Variants in MTMR3 observed in about 807,000 individuals in gnomAD.
MTMR3 encodes the protein myotubularin related protein 3.
Under a neutral mutation model 132.4 loss-of-function variants are expected in MTMR3, and 32 were observed. The observed-to-expected ratio is 0.24, with a 90% CI of 0.18 to 0.32. The LOEUF (loss-of-function observed/expected upper bound fraction) is 0.32. Ranked by LOEUF, MTMR3 falls within the 10% of genes least tolerant of loss-of-function variation. The probability of loss-of-function intolerance (pLI) is 1.00; values close to 1 mark genes in which losing one functional copy is unlikely to be tolerated. For synonymous variants in MTMR3, 556 were observed against 550.3 expected, an observed-to-expected ratio of 1.01 and a Z score of -0.14; for missense variants, 1,216 against 1,489.6, an observed-to-expected ratio of 0.82 and a Z score of 3.02.
At chr22:29,926,842 A>T (rs1602489192) in intron 1 of MTMR3, among the ~76,000 whole-genome samples, 1 of 152,168 alleles carries the variant, frequency 6.6e-6, no homozygotes. Flanking sequence ...ATTTTGATGA[A>T]ATCCCATTTA....
intron 2 of MTMR3, 139 bp from the exon 3 acceptor site, chr22:29,970,837 T>C: frequency 2.4e-6 from 1 of 411,746 alleles, no homozygotes; most frequent in Non-Finnish European, 4.3e-6. Context: ...TTTTCTTGGC[T>C]GACTCTGATC....
intron 1 of MTMR3, among the ~76,000 whole-genome samples, chr22:29,943,225 C>G (rs1028922428): frequency 6.6e-6 from 1 of 151,824 alleles, no homozygotes; most frequent in African/African-American, 2.4e-5. Context: ...CAGAGTCTCA[C>G]TCTGTCACCC....
At chr22:29,894,930 A>G (rs2064864753) in intron 1 of MTMR3, among the ~76,000 whole-genome samples, 1 of 152,212 alleles carries the variant, frequency 6.6e-6, no homozygotes, top group Admixed American at 6.6e-5. Flanking sequence ...GAGTAAGATT[A>G]GGCTGGATGC....
rs1401881518 is a variant in MTMR3, at chr22:30,026,331, C to T, written c.*530C>T. On this transcript the variant is annotated 3_prime_UTR_variant, in exon 20 of 20. Transcript: ENST00000401950. ...AGAGCACTGCCCTGGGCATCATCTCCCTCCTGCGAGGAGCTGAGCCAGTCC... is the reference window on the plus strand; with the variant it reads ...AGAGCACTGCCCTGGGCATCATCTCTCTCCTGCGAGGAGCTGAGCCAGTCC... The T allele has an allele frequency of 6.4e-6, 1 of 155,364 alleles. No homozygotes were observed. Among genetic ancestry groups the T allele is most frequent in the African/African-American group, 2.4e-5 (1 of 41,506 alleles). 9.6% of individuals were successfully genotyped at this position (155,364 alleles called of 1,614,324 possible). A position where few individuals can be genotyped will look rare whatever the true frequency, so the allele number is the denominator to read the frequency against.
chr22:29,924,645 T>C (rs2065480971), intron 1 of MTMR3, among the ~76,000 whole-genome samples: 1 of 152,226 alleles, frequency 6.6e-6, no homozygotes, highest in Non-Finnish European at 1.5e-5. Context: ...TAGATCACTT[T>C]GGGTAGTATT....
At chr22:30,017,686 AATATTTT>A (rs1244228176) in intron 15 of MTMR3, 1 of 460,892 alleles carries the variant, frequency 2.2e-6, no homozygotes, top group Non-Finnish European at 3.8e-6. Context: ...GGATCTAAAA[AATATTTT>A]ATATTTTCAT....
intron 12 of MTMR3, chr22:30,009,493 T>C (rs915461293): frequency 4.9e-5 from 10 of 202,986 alleles, no homozygotes; most frequent in African/African-American, 2.1e-4. Context: ...TGATGTCCCA[T>C]AGTGATACAT....
At chr22:30,021,424 G>GT (rs2067746481) in intron 17 of MTMR3, 1 of 158,798 alleles carries the variant, frequency 6.3e-6, no homozygotes, top group Non-Finnish European at 1.4e-5. Flanking sequence ...CTCTGATGGG[G>GT]GTTTGTGGCT....
chr22:30,010,617 G>A (rs542324523), intron 12 of MTMR3: 7 of 152,274 alleles, frequency 4.6e-5, no homozygotes, highest in African/African-American at 1.7e-4. Flanking sequence ...TTGGCTGGCA[G>A]GTTTTGGAGT....
intron 1 of MTMR3, among the ~76,000 whole-genome samples, chr22:29,919,905 T>G (rs551645720): frequency 3.9e-5 from 6 of 152,284 alleles, no homozygotes; most frequent in Admixed American, 3.9e-4. Context: ...TTTCAGAATC[T>G]AAATTTATTA....
At chr22:30,021,273 A>G in intron 17 of MTMR3, 1 of 227,752 alleles carries the variant, frequency 4.4e-6, no homozygotes, top group Non-Finnish European at 8.7e-6. Flanking sequence ...TAGTAACTAC[A>G]AAGTATTAGT....
chr22:30,030,799 T>G lies in MTMR3; in HGVS notation c.*4998T>G, dbSNP rs1222182407. ...AGGCCCATTCAAAGCTTTATTAGAT[T>G]TAAAAGTAAGATCTGGTATGAAGAA... On this transcript the variant is annotated 3_prime_UTR_variant, in exon 20 of 20. Coordinates refer to ENST00000401950, the MANE Select transcript of MTMR3 (RefSeq NM_021090.4). The G allele has an allele frequency of 6.6e-6, 1 of 152,296 alleles. No homozygotes were observed. Among genetic ancestry groups the G allele is most frequent in the Admixed American group, 6.5e-5 (1 of 15,270 alleles). 9.4% of individuals were successfully genotyped at this position (152,296 alleles called of 1,614,324 possible). A position where few individuals can be genotyped will look rare whatever the true frequency, so the allele number is the denominator to read the frequency against.
intron 7 of MTMR3, chr22:29,994,478 G>A (rs903328411): frequency 5.3e-5 from 8 of 151,232 alleles, no homozygotes; most frequent in African/African-American, 1.9e-4. Context: ...CAGTGGCGGT[G>A]TATATAGCAT....
At chr22:29,912,763 T>C (rs1464045507) in intron 1 of MTMR3, among the ~76,000 whole-genome samples, 1 of 152,212 alleles carries the variant, frequency 6.6e-6, no homozygotes, top group East Asian at 1.9e-4. Flanking sequence ...TGAAGGACTT[T>C]TAAATATTCC....
intron 1 of MTMR3, among the ~76,000 whole-genome samples, chr22:29,923,623 G>A (rs938872663): frequency 6.6e-6 from 1 of 152,038 alleles, no homozygotes; most frequent in East Asian, 1.9e-4. Context: ...TCACACTCTG[G>A]GTGGCTTAAA....
chr22:29,934,335 T>G (rs897060150), intron 1 of MTMR3, among the ~76,000 whole-genome samples: 1 of 151,818 alleles, frequency 6.6e-6, no homozygotes, highest in African/African-American at 2.4e-5. Flanking sequence ...GCCTGGGCGG[T>G]AGAGAGAGAC....
At position 30,020,304 on chromosome 22, in the gene MTMR3, C is replaced by T. The variant is rs962918508; in HGVS notation, c.2645C>T (p.Pro882Leu). 21 of 1,614,072 alleles carry T rather than the reference C, an allele frequency of 1.3e-5. No individual in the cohort carries two copies. Among genetic ancestry groups the T allele is most frequent in the Non-Finnish European group, 1.8e-5 (21 of 1,180,048 alleles). The stretch of plus-strand genomic sequence containing the variant: ...GACAGGCTTCCTCAGACCATGGAAC[C>T]CAGCCCTTCAGAGACAAGCCTGGTC... ...GKDRLPQTMEPSPSETSLVER... is the reference protein window; with the variant it reads ...GKDRLPQTMELSPSETSLVER... The change falls in exon 17 of 20, where the codon CCC becomes CTC. Residue 882 changes from proline to leucine, a missense_variant. By Grantham distance (98) the Pro-to-Leu change is moderately conservative. Transcript: ENST00000401950.
At chr22:29,898,736 A>G (rs534743878) in intron 1 of MTMR3, among the ~76,000 whole-genome samples, 40 of 151,764 alleles carry the variant, frequency 2.6e-4, no homozygotes, top group Non-Finnish European at 4.7e-4. Context: ...ACGCCTTCCC[A>G]TCCTCTCCTC....
rs1324518346 is a variant in MTMR3, at chr22:30,019,767, T to A, written c.2108T>A (p.Val703Glu). 1.2e-6 allele frequency: 2 copies of A among 1,612,764 alleles called. No individual in the cohort carries two copies. The highest frequency in any genetic ancestry group is 1.7e-6 in the Non-Finnish European group (2 of 1,179,690). ...GAGGCCACCAAAGAGGAGAGTGGAGTAGAGGAACCTGCCCACAGGGCAGGC... is the reference window on the plus strand; with the variant it reads ...GAGGCCACCAAAGAGGAGAGTGGAGAAGAGGAACCTGCCCACAGGGCAGGC... ...LQEATKEESG[V>E]EEPAHRAGIE... Residue 703 changes from valine (V) to glutamate (E), a missense_variant, in exon 17 of 20, where the codon GTA becomes GAA. Physicochemically the swap from Val to Glu is moderately radical, Grantham distance 121. Around this residue, in one of 7 missense-constraint regions of MTMR3, gnomAD observed 852 missense variants for 852.0 expected, o/e 1.00. Coordinates refer to ENST00000401950, the MANE Select transcript of MTMR3 (RefSeq NM_021090.4).
Sources: gnomAD v4.1 joint callset for allele counts (sites outside exome capture counted in the v4.1 genomes callset) on GRCh38, gnomAD v4.1.1 for gene constraint, gnomAD v4.1.1 regional missense constraint, MANE v1.5 for transcripts, NCBI Gene and HGNC (gene_info 2026-07-23, HGNC 2026-07-21) for gene names.